RIN3: variants seen among roughly 807,000 people sequenced by gnomAD.
The protein encoded by RIN3 is Ras and Rab interactor 3.
Under a neutral mutation model 76.3 loss-of-function variants are expected in RIN3, and 54 were observed. The observed-to-expected ratio is 0.71, with a 90% CI of 0.57 to 0.89. The LOEUF (loss-of-function observed/expected upper bound fraction) is 0.89. Among genes scored for constraint, RIN3 ranks in the 40% least tolerant of loss-of-function variants. The probability of loss-of-function intolerance (pLI) is 0.00; values close to 1 mark genes in which losing one functional copy is unlikely to be tolerated. For synonymous variants in RIN3, 576 were observed against 564.0 expected (o/e 1.02, Z -0.30); for missense variants, 1,256 against 1,322.1 (o/e 0.95, Z 0.78).
chr14:92,665,901 T>A (rs1888080434), intron 7 of RIN3, among the ~76,000 whole-genome samples: 1 of 152,164 alleles, frequency 6.6e-6, no homozygotes, highest in Admixed American at 6.5e-5. Flanking sequence ...TACCTTCCCC[T>A]GGCAGGTGAT....
At chr14:92,636,100 T>C (rs1886765553) in intron 4 of RIN3, among the ~76,000 whole-genome samples, 2 of 152,194 alleles carry the variant, frequency 1.3e-5, no homozygotes, top group Admixed American at 1.3e-4. Context: ...GTAAGGAAAG[T>C]ACCTGCTTTG....
rs571019115 is a variant in RIN3 at position 92,518,036 on chromosome 14, T to C, written c.44+4060T>C. Among the ~76,000 whole-genome samples, 8 of 152,348 alleles carry C rather than the reference T, an allele frequency of 5.3e-5. No homozygotes were observed. In the South Asian group the frequency reaches 1.7e-3, roughly 32 times the overall value. ...TGTCCTCTCCAACGTGCAGAGCTTG[T>C]CTGTGGTCTTGTACCTTTGCCCATG... is the stretch of plus-strand genomic sequence containing the variant. On this transcript the variant is annotated intron_variant, in intron 1 of 9. Transcript: ENST00000216487.
chr14:92,548,526 C>T (rs1897338592), intron 1 of RIN3, among the ~76,000 whole-genome samples: 1 of 152,162 alleles, frequency 6.6e-6, no homozygotes, highest in African/African-American at 2.4e-5. Context: ...ACCAAGGTTT[C>T]AGCTGGGCAG....
chr14:92,542,532 A>G (rs1897152344), intron 1 of RIN3, among the ~76,000 whole-genome samples: 2 of 152,244 alleles, frequency 1.3e-5, no homozygotes, highest in South Asian at 4.1e-4. Flanking sequence ...TACTAAACAC[A>G]GAATTACCAT....
At chr14:92,606,176 A>G (rs994133224) in intron 3 of RIN3, among the ~76,000 whole-genome samples, 15 of 151,744 alleles carry the variant, frequency 9.9e-5, no homozygotes, top group Non-Finnish European at 2.2e-4. Context: ...GGACAAAAAG[A>G]CAAACTACAG....
chr14:92,526,383 C>T (rs1306269368), intron 1 of RIN3, among the ~76,000 whole-genome samples: 4 of 150,838 alleles, frequency 2.7e-5, no homozygotes, highest in Admixed American at 6.6e-5. Flanking sequence ...CAGTTGAGCT[C>T]GGGAGGCAGA....
chr14:92,606,924 CA>C (rs1458565808), intron 3 of RIN3, among the ~76,000 whole-genome samples: 1 of 152,166 alleles, frequency 6.6e-6, no homozygotes, highest in Admixed American at 6.5e-5. Flanking sequence ...AACATCCACA[CA>C]AAAACGTGTA....
chr14:92,613,821 G>A (rs1253585404), intron 3 of RIN3, among the ~76,000 whole-genome samples: 2 of 152,214 alleles, frequency 1.3e-5, no homozygotes. Context: ...AACCTCGGGA[G>A]ACCAGGACCA....
chr14:92,585,359 G>A (rs761894704), intron 3 of RIN3, among the ~76,000 whole-genome samples: 10 of 152,200 alleles, frequency 6.6e-5, no homozygotes, highest in African/African-American at 7.2e-5. Context: ...TGTGGGTGAC[G>A]CTGACACCCG....
rs768037880 is a variant in RIN3, at chr14:92,601,593, C to T, written c.368-13814C>T. On this transcript the variant is annotated intron_variant, in intron 3 of 9. Coordinates refer to ENST00000216487, the MANE Select transcript of RIN3 (RefSeq NM_024832.5). ...AGGTGTTACCCACCTCCCTTCTCCCCGTCCCCTCTGCTCCCAGAGAGAACA... is the reference window on the plus strand; with the variant it reads ...AGGTGTTACCCACCTCCCTTCTCCCTGTCCCCTCTGCTCCCAGAGAGAACA... 6.6e-5 allele frequency among the ~76,000 whole-genome samples: 10 copies of T among 152,184 alleles called. No individual in the cohort carries two copies. In the East Asian group the frequency reaches 7.7e-4, roughly 12 times the overall value.
At chr14:92,587,729 G>A (rs558113595) in intron 3 of RIN3, among the ~76,000 whole-genome samples, 1 of 152,088 alleles carries the variant, frequency 6.6e-6, no homozygotes, top group East Asian at 1.9e-4. Context: ...CTGCAAGTGG[G>A]GTCAGGGGTC....
At chr14:92,639,444 C>G (rs2140128768) in intron 4 of RIN3, among the ~76,000 whole-genome samples, 1 of 152,320 alleles carries the variant, frequency 6.6e-6, no homozygotes, top group East Asian at 1.9e-4. Flanking sequence ...CCTGTCTTCA[C>G]AGAGGAGGAA....
rs765596109 is a variant in RIN3 at position 92,659,197 on chromosome 14, T to C, written c.2063T>C (p.Leu688Pro). 2 of 1,614,232 alleles carry C rather than the reference T, an allele frequency of 1.2e-6. No individual in the cohort carries two copies. Among genetic ancestry groups the C allele is most frequent in the South Asian group, 1.1e-5 (1 of 91,086 alleles). Residue 688 changes from leucine to proline, a missense_variant, in exon 7 of 10, where the codon CTG (leucine) becomes CCG (proline). Physicochemically the swap from Leu to Pro is moderately conservative, Grantham distance 98. This residue lies in a region of RIN3 where 428 missense variants were observed against 521.2 expected (regional missense o/e 0.82). Coordinates refer to ENST00000216487, the MANE Select transcript of RIN3 (RefSeq NM_024832.5). ...GAGTCTGCCTTGTACAAATGTGTCC[T>C]GAAGCCCCTGAAGGAAGCCATCAAC... ...IVESALYKCVLKPLKEAINSC... is the reference protein window; with the variant it reads ...IVESALYKCVPKPLKEAINSC...
chr14:92,538,277 C>A (rs550129791), intron 1 of RIN3, among the ~76,000 whole-genome samples: 10 of 152,176 alleles, frequency 6.6e-5, no homozygotes, highest in African/African-American at 2.4e-4. Context: ...CCCTTAGGGA[C>A]GATTTTTAAT....
intron 4 of RIN3, among the ~76,000 whole-genome samples, chr14:92,617,908 G>A (rs1388011123): frequency 2.6e-5 from 4 of 152,030 alleles, no homozygotes; most frequent in Non-Finnish European, 4.4e-5. Context: ...CCTGTCATAA[G>A]GGATATATTG....
intron 5 of RIN3, 68 bp from the exon 6 acceptor site, chr14:92,651,514 C>T: frequency 1.7e-6 from 2 of 1,152,070 alleles, no homozygotes; most frequent in Middle Eastern, 3.0e-4. Flanking sequence ...GCCCACAGAC[C>T]CCGCCCAGCA....
intron 3 of RIN3, among the ~76,000 whole-genome samples, chr14:92,604,614 C>T (rs1423189706): frequency 6.6e-6 from 1 of 152,108 alleles, no homozygotes; most frequent in Non-Finnish European, 1.5e-5. Flanking sequence ...TAACAATTTC[C>T]TCCTGGGGCA....
chr14:92,584,621 GAGGGGA>G (rs1884699256), intron 3 of RIN3, among the ~76,000 whole-genome samples: 1 of 152,200 alleles, frequency 6.6e-6, no homozygotes, highest in South Asian at 2.1e-4. Context: ...TGTGGAGAGA[GAGGGGA>G]CCAGCAGAAG....
chr14:92,668,437 T>A (rs1324161794), intron 7 of RIN3, among the ~76,000 whole-genome samples: 1 of 152,262 alleles, frequency 6.6e-6, no homozygotes, highest in East Asian at 1.9e-4. Context: ...GACTGGCTTG[T>A]GGGCTGAGCT....
Sources: allele counts gnomAD v4.1 joint callset (sites outside exome capture counted in the v4.1 genomes callset), GRCh38; gene constraint gnomAD v4.1.1; regional missense constraint gnomAD v4.1.1; transcripts MANE v1.5; gene names NCBI Gene and HGNC (gene_info 2026-07-23, HGNC 2026-07-21).